Variants in NREP observed in about 807,000 individuals in gnomAD.
The protein encoded by NREP is neuronal regeneration-related protein.
NREP carries 5 observed loss-of-function variants against 8.6 expected under a neutral mutation model. The ratio of observed to expected loss-of-function variants is 0.58; its 90% CI spans 0.30 to 1.22. The LOEUF (loss-of-function observed/expected upper bound fraction) is 1.22, where lower values mean the gene tolerates loss of function less well. Ranked by LOEUF, NREP falls within the 50% of genes most tolerant of loss-of-function variation. NREP has a pLI of 0.07. For missense variants in NREP, 86 were observed against 82.5 expected (o/e 1.04, Z -0.17); for synonymous variants, 27 against 28.0 (o/e 0.96, Z 0.11).
At chr5:111,731,469 C>T (rs555720877) in intron 3 of NREP, among the ~76,000 whole-genome samples, 7 of 148,830 alleles carry the variant, frequency 4.7e-5, no homozygotes, top group Non-Finnish European at 8.9e-5. Context: ...GTGATGAAGA[C>T]GGGTTAACAA....
intron 2 of NREP, among the ~76,000 whole-genome samples, chr5:111,931,899 A>T (rs1274479274): frequency 2.6e-5 from 4 of 152,062 alleles, no homozygotes; most frequent in Non-Finnish European, 5.9e-5. Context: ...CAGTTGTTCC[A>T]GGGCATTACT....
chr5:111,934,653 G>A (rs988637191), intron 2 of NREP, among the ~76,000 whole-genome samples: 8 of 152,078 alleles, frequency 5.3e-5, no homozygotes, highest in African/African-American at 1.9e-4. Context: ...TATGGCCGCA[G>A]TTCCATGTGG....
intron 2 of NREP, among the ~76,000 whole-genome samples, chr5:111,919,891 GAAA>G (rs1755180538): frequency 2.0e-5 from 3 of 148,294 alleles, no homozygotes; most frequent in Non-Finnish European, 1.5e-5. Context: ...AAGAAAGAAA[GAAA>G]GAAAGAAAGA....
intron 2 of NREP, among the ~76,000 whole-genome samples, chr5:111,873,032 T>C (rs1753824985): frequency 6.6e-6 from 1 of 152,132 alleles, no homozygotes; most frequent in Non-Finnish European, 1.5e-5. Flanking sequence ...AACTGCAAGG[T>C]ATCATTGAGC....
chr5:111,919,603 T>C (rs1755166133), intron 2 of NREP, among the ~76,000 whole-genome samples: 1 of 152,026 alleles, frequency 6.6e-6, no homozygotes, highest in Non-Finnish European at 1.5e-5. Flanking sequence ...ACCATAATTC[T>C]CAGCAAACTA....
chr5:111,742,153 C>T (rs1169038060), intron 2 of NREP, among the ~76,000 whole-genome samples: 1 of 152,096 alleles, frequency 6.6e-6, no homozygotes, highest in Non-Finnish European at 1.5e-5. Context: ...GCACAGAAAG[C>T]GTTCATATTT....
Position 111,782,737 on chromosome 5 carries a change from T to C in NREP, c.136-47230A>G, listed in dbSNP as rs185716884. On this transcript the variant is annotated intron_variant, in intron 2 of 3. Transcript: ENST00000395634. ...CAACAAAGAACCACATGGCTTTTCT[T>C]TTTTTTTTCTTTTTTTTTTGACAGT... Among the ~76,000 whole-genome samples the C allele has an allele frequency of 8.4e-4, 126 of 150,054 alleles. 1 individual carries two copies. Among genetic ancestry groups the C allele is most frequent in the African/African-American group, 2.9e-3 (121 of 41,042 alleles).
chr5:111,921,970 G>A (rs1405846416), intron 2 of NREP, among the ~76,000 whole-genome samples: 1 of 152,092 alleles, frequency 6.6e-6, no homozygotes, highest in Non-Finnish European at 1.5e-5. Context: ...TGATTCTGAG[G>A]CCTCACCAGC....
intron 2 of NREP, among the ~76,000 whole-genome samples, chr5:111,796,741 C>A (rs1272978228): frequency 1.3e-5 from 2 of 152,118 alleles, no homozygotes; most frequent in Admixed American, 6.5e-5. Context: ...AATATAATGA[C>A]CACTATAATT....
intron 2 of NREP, among the ~76,000 whole-genome samples, chr5:111,829,185 A>G (rs1327101156): frequency 1.3e-5 from 2 of 152,234 alleles, no homozygotes; most frequent in Non-Finnish European, 2.9e-5. Flanking sequence ...TGCAAAGCAA[A>G]CCGTGTTCAA....
rs1208799620 is a variant in NREP at position 111,736,596 on chromosome 5, CCCGATCAAT to C, written c.4-1098_4-1090del. ...GAGTTGACTGTAATGCTTGGTATAC[CCCGATCAAT>C]CCATTTTGTCAGGGAATCTAGGGTA... On this transcript the variant is annotated intron_variant, in intron 2 of 3. Coordinates refer to ENST00000257435, the MANE Select transcript of NREP (RefSeq NM_004772.4). Among the ~76,000 whole-genome samples the C allele has an allele frequency of 4.6e-5, 7 of 152,134 alleles. 1 individual carries two copies. The highest frequency in any genetic ancestry group is 1.7e-4 in the African/African-American group (7 of 41,512).
chr5:111,805,363 C>T (rs1307303905), intron 2 of NREP, among the ~76,000 whole-genome samples: 1 of 152,144 alleles, frequency 6.6e-6, no homozygotes, highest in African/African-American at 2.4e-5. Context: ...AAAATATGTA[C>T]AAGGTTATTC....
intron 1 of NREP, 193 bp from the exon 2 acceptor site, chr5:111,756,023 G>A (rs1283026378): frequency 2.2e-6 from 3 of 1,361,476 alleles, no homozygotes; most frequent in Non-Finnish European, 2.8e-6. Context: ...AGGGACAAAG[G>A]AATCCCTGGT....
intron 2 of NREP, among the ~76,000 whole-genome samples, chr5:111,821,656 A>T (rs904088747): frequency 1.2e-4 from 19 of 152,150 alleles, no homozygotes; most frequent in South Asian, 2.1e-4. Flanking sequence ...GCCTGTTTTT[A>T]AAAAAACAAT....
chr5:111,812,800 T>C (rs908528886), intron 2 of NREP, among the ~76,000 whole-genome samples: 1 of 152,160 alleles, frequency 6.6e-6, no homozygotes, highest in Non-Finnish European at 1.5e-5. Flanking sequence ...ATTCTACTTA[T>C]TGAATAAACA....
chr5:111,866,794 A>G (rs1478780587), intron 2 of NREP, among the ~76,000 whole-genome samples: 1 of 152,052 alleles, frequency 6.6e-6, no homozygotes, highest in Non-Finnish European at 1.5e-5. Context: ...GCACATATAC[A>G]CCATGGAATA....
At chr5:111,757,584 G>A, upstream of NREP, 3 of 984,072 alleles carry the variant, frequency 3.0e-6, no homozygotes, top group South Asian at 9.4e-5. Flanking sequence ...GGCGGCTCTG[G>A]GCCCCGTCGG....
intron 2 of NREP, among the ~76,000 whole-genome samples, chr5:111,970,825 C>CAAAAAAAAAAAAAAAA (rs33962098): frequency 1.2e-3 from 65 of 53,596 alleles, no homozygotes; most frequent in South Asian, 3.4e-3. Context: ...GACTCCATCT[C>CAAAAAAAAAAAAAAAA]AAAAAAAAAA....
intron 3 of NREP, among the ~76,000 whole-genome samples, chr5:111,731,481 C>CTAT (rs1561626908): frequency 6.7e-6 from 1 of 149,220 alleles, no homozygotes. Flanking sequence ...GGTTAACAAT[C>CTAT]TATTTTCTAA....
Sources: allele counts gnomAD v4.1 joint callset (sites outside exome capture counted in the v4.1 genomes callset), GRCh38; gene constraint gnomAD v4.1.1; transcripts MANE v1.5; gene names NCBI Gene and HGNC (gene_info 2026-07-23, HGNC 2026-07-21).